CACNA2D2: variants seen among roughly 807,000 people sequenced by gnomAD.
The protein encoded by CACNA2D2 is voltage-dependent calcium channel subunit alpha-2/delta-2.
Under a neutral mutation model 166.4 loss-of-function variants are expected in CACNA2D2, and 48 were observed. The observed-to-expected ratio is 0.29, with a 90% CI of 0.23 to 0.37. The LOEUF is 0.37. CACNA2D2 is among the 10% of genes least tolerant of loss of function. The probability of loss-of-function intolerance (pLI) is 1.00; values close to 1 mark genes in which losing one functional copy is unlikely to be tolerated. For missense variants in CACNA2D2, 1,122 were observed against 1,433.0 expected (o/e 0.78, Z 3.50); for synonymous variants, 561 against 573.7 (o/e 0.98, Z 0.32).
Position 50,376,491 on chromosome 3 carries a change from C to T in CACNA2D2, c.1627-303G>A, listed in dbSNP as rs1705002580. Among the ~76,000 whole-genome samples the T allele has an allele frequency of 1.3e-5, 2 of 152,292 alleles. No individual in the cohort carries two copies. Among genetic ancestry groups the T allele is most frequent in the East Asian group, 1.9e-4 (1 of 5,184 alleles). ...GTTGTCCTGACCTCTCTGCCACCAC[C>T]GGCCCCACAGGTCTGCTGCTTCTGT... On this transcript the variant is annotated intron_variant, in intron 17 of 37. Coordinates refer to ENST00000424201, the MANE Select transcript of CACNA2D2 (RefSeq NM_006030.4). This position sits in a 1 kb window ranked among gnomAD's most constrained non-coding sequence, Gnocchi z 4.3.
intron 2 of CACNA2D2, among the ~76,000 whole-genome samples, chr3:50,438,924 C>T (rs1469855278): frequency 6.6e-6 from 1 of 152,200 alleles, no homozygotes; most frequent in African/African-American, 2.4e-5. Flanking sequence ...GCTCTGGCTG[C>T]TCTGGGGCAG....
intron 3 of CACNA2D2, among the ~76,000 whole-genome samples, chr3:50,421,718 C>T (rs1707569917): frequency 6.6e-6 from 1 of 152,152 alleles, no homozygotes; most frequent in Non-Finnish European, 1.5e-5. Context: ...CCTCCAGCAC[C>T]TGGAGCCAAG....
At chr3:50,447,546 T>A (rs987888804) in intron 2 of CACNA2D2, among the ~76,000 whole-genome samples, 1 of 152,066 alleles carries the variant, frequency 6.6e-6, no homozygotes, top group African/African-American at 2.4e-5. Context: ...GGGAGCTAGG[T>A]TCCCCCCTGC....
intron 6 of CACNA2D2, among the ~76,000 whole-genome samples, chr3:50,383,807 C>G (rs1485156781): frequency 1.3e-5 from 2 of 152,210 alleles, no homozygotes; most frequent in Non-Finnish European, 2.9e-5. Context: ...AGCTTGTCAA[C>G]CACTCCTACT....
At chr3:50,476,500 A>G (rs570327870) in intron 1 of CACNA2D2, among the ~76,000 whole-genome samples, 1 of 152,346 alleles carries the variant, frequency 6.6e-6, no homozygotes, top group Non-Finnish European at 1.5e-5. Flanking sequence ...TTCATTGTGA[A>G]GAGCCAGCCC....
intron 2 of CACNA2D2, among the ~76,000 whole-genome samples, chr3:50,435,322 T>C (rs895446585): frequency 6.6e-6 from 1 of 151,978 alleles, no homozygotes; most frequent in Non-Finnish European, 1.5e-5. Context: ...CGTGTGTGTG[T>C]GCATTTGTAT....
intron 2 of CACNA2D2, among the ~76,000 whole-genome samples, chr3:50,447,554 T>G (rs545522890): frequency 3.3e-5 from 5 of 152,218 alleles, no homozygotes; most frequent in Non-Finnish European, 5.9e-5. Context: ...GGTTCCCCCC[T>G]GCCCCATGTC....
chr3:50,380,054 C>T lies in CACNA2D2; in HGVS notation c.843-36G>A, dbSNP rs2106664578. ...GATGCCTCTGTTAGGGTAAGGCCCA[C>T]TGGGACCTTGTGGGTCCTTCCTTCC... On this transcript the variant is annotated intron_variant, in intron 8 of 37. Coordinates refer to ENST00000424201, the MANE Select transcript of CACNA2D2 (RefSeq NM_006030.4). The surrounding 1 kb of genome is among the most constrained non-coding windows in gnomAD (Gnocchi z 4.9). The T allele has an allele frequency of 1.9e-6, 3 of 1,610,564 alleles. No homozygotes were observed. The East Asian group carries it at 6.7e-5, about 36-fold the overall frequency.
intron 2 of CACNA2D2, among the ~76,000 whole-genome samples, chr3:50,439,610 A>G (rs1708498180): frequency 6.6e-6 from 1 of 152,238 alleles, no homozygotes; most frequent in South Asian, 2.1e-4. Flanking sequence ...ACTGTCCATT[A>G]GGCCCCTGCA....
chr3:50,366,638 G>C lies in CACNA2D2; in HGVS notation c.2590-13C>G. On this transcript the variant is annotated splice_polypyrimidine_tract_variant and intron_variant, in intron 29 of 37. Coordinates refer to ENST00000424201, the MANE Select transcript of CACNA2D2 (RefSeq NM_006030.4). The surrounding 1 kb of genome is among the most constrained non-coding windows in gnomAD (Gnocchi z 5.9). ...TGTTGGGGCCGCACTGCTGGGCAGA[G>C]AGTGAGGACCGTAAGCCACCCACCA... 1 of 1,613,764 alleles carries C rather than the reference G, an allele frequency of 6.2e-7. No individual in the cohort carries two copies. The highest frequency in any genetic ancestry group is 8.5e-7 in the Non-Finnish European group (1 of 1,179,956).
At chr3:50,410,200 A>T (rs1559921258) in intron 3 of CACNA2D2, among the ~76,000 whole-genome samples, 2 of 152,196 alleles carry the variant, frequency 1.3e-5, no homozygotes, top group Admixed American at 1.3e-4. Flanking sequence ...TGCCTAGATC[A>T]AAGACTGTTG....
At chr3:50,400,405 C>T (rs965274324) in intron 3 of CACNA2D2, among the ~76,000 whole-genome samples, 3 of 152,258 alleles carry the variant, frequency 2.0e-5, no homozygotes, top group Non-Finnish European at 2.9e-5. Context: ...TGGCACCACT[C>T]GTGGTCTGAG....
intron 22 of CACNA2D2, 103 bp downstream of exon 22, chr3:50,374,634 G>C: frequency 9.1e-6 from 12 of 1,324,684 alleles, no homozygotes; most frequent in Non-Finnish European, 1.3e-5. Flanking sequence ...TGGGCAGGAG[G>C]GACTGCCTCG....
At chr3:50,390,005 T>C (rs1301420226) in intron 4 of CACNA2D2, among the ~76,000 whole-genome samples, 1 of 147,766 alleles carries the variant, frequency 6.8e-6, no homozygotes, top group East Asian at 2.0e-4. Flanking sequence ...GGGAGGGGGC[T>C]GTCAGGGTCA....
At chr3:50,483,726 T>C (rs1698158347) in intron 1 of CACNA2D2, among the ~76,000 whole-genome samples, 1 of 152,156 alleles carries the variant, frequency 6.6e-6, no homozygotes, top group Non-Finnish European at 1.5e-5. Context: ...AGTTTCCCTC[T>C]CTAACCAAGG....
chr3:50,484,986 C>A (rs1241863843), intron 1 of CACNA2D2, among the ~76,000 whole-genome samples: 1 of 152,226 alleles, frequency 6.6e-6, no homozygotes, highest in East Asian at 1.9e-4. Context: ...GCCCTCCCTT[C>A]CCCTGGCTTC....
chr3:50,454,463 G>A (rs1367893648), intron 2 of CACNA2D2, among the ~76,000 whole-genome samples: 1 of 152,090 alleles, frequency 6.6e-6, no homozygotes, highest in Non-Finnish European at 1.5e-5. Flanking sequence ...TCTCTGCCGA[G>A]TCCTTGCCTC....
intron 2 of CACNA2D2, among the ~76,000 whole-genome samples, chr3:50,448,832 C>T (rs142476957): frequency 6.2e-4 from 94 of 152,260 alleles, no homozygotes; most frequent in South Asian, 2.3e-3. Flanking sequence ...TGCTGGTGCC[C>T]GCTTCTAGCC....
intron 3 of CACNA2D2, among the ~76,000 whole-genome samples, chr3:50,413,332 T>C (rs1007748079): frequency 2.7e-5 from 4 of 148,070 alleles, no homozygotes; most frequent in African/African-American, 1.0e-4. Flanking sequence ...TGTTCCTCAG[T>C]GGGGGTGGTT....
Sources: gnomAD v4.1 joint callset for allele counts (sites outside exome capture counted in the v4.1 genomes callset) on GRCh38, gnomAD v4.1.1 for gene constraint, Gnocchi (gnomAD v3.1) non-coding constraint, MANE v1.5 for transcripts, NCBI Gene and HGNC (gene_info 2026-07-23, HGNC 2026-07-21) for gene names.